ARHGEF3: variants seen among roughly 807,000 people sequenced by gnomAD.
ARHGEF3 encodes 59.8 kDA protein.
A neutral mutation model predicts 63.2 loss-of-function variants in ARHGEF3; 28 were observed. That is an observed-to-expected ratio of 0.44 (90% CI 0.33 to 0.61). The LOEUF is 0.61. Among genes scored for constraint, ARHGEF3 ranks in the 20% least tolerant of loss-of-function variants. ARHGEF3 has a pLI of 0.03. For synonymous variants in ARHGEF3, 266 were observed against 254.2 expected (o/e 1.05, Z -0.44); for missense variants, 533 against 659.3 (o/e 0.81, Z 2.10).
chr3:56,732,513 G>A, intron 8 of ARHGEF3, 89 bp from the exon 9 acceptor site: 1 of 1,444,778 alleles, frequency 6.9e-7, no homozygotes, highest in Non-Finnish European at 9.6e-7. Context: ...AGGTCCCCAG[G>A]TACCAGGTTC....
At chr3:56,975,483 T>C (rs978162548) in intron 2 of ARHGEF3, among the ~76,000 whole-genome samples, 2 of 152,318 alleles carry the variant, frequency 1.3e-5, no homozygotes, top group East Asian at 1.9e-4. Context: ...CACTGTGTCA[T>C]AGCCAGACAC....
chr3:56,975,881 T>C lies in ARHGEF3; in HGVS notation c.63-16992A>G, dbSNP rs113356736. 2.3e-3 allele frequency: 717 copies of C among 313,724 alleles called. 10 individuals carry two copies. Among genetic ancestry groups the C allele is most frequent in the African/African-American group, 0.015 (667 of 45,134 alleles). The allele number at this position is 313,724 out of a possible 1,614,324, so 19.4% of individuals were successfully genotyped here. A position where few individuals can be genotyped will look rare whatever the true frequency, so the allele number is the denominator to read the frequency against. The stretch of plus-strand genomic sequence containing the variant: ...GATTAGTCTTATTCACTGGTTTTTC[T>C]ACATCTGCAAATAAAAATATCCATG... On this transcript the variant is annotated intron_variant, in intron 2 of 12. Coordinates refer to the ARHGEF3 transcript ENST00000338458.
Position 56,729,338 on chromosome 3 carries a change from C to A in ARHGEF3, c.1513G>T (p.Asp505Tyr). The A allele has an allele frequency of 6.2e-7, 1 of 1,614,086 alleles. No homozygotes were observed. Among genetic ancestry groups the A allele is most frequent in the Non-Finnish European group, 8.5e-7 (1 of 1,180,026 alleles). Reference sequence around the variant, plus strand: ...TCTGTCTGTTCCATGCGCTCACAGTCGAGGCTGACCTCACTCGTGTCCATA... The same window carrying A: ...TCTGTCTGTTCCATGCGCTCACAGTAGAGGCTGACCTCACTCGTGTCCATA... Reference protein sequence around the residue: ...CSMDTSEVSLDCERMEQTDSS... With the variant: ...CSMDTSEVSLYCERMEQTDSS... Residue 505 changes from aspartate to tyrosine, a missense_variant, in exon 10 of 10, where the codon GAC (aspartate) becomes TAC (tyrosine). Physicochemically the swap from Asp to Tyr is radical, Grantham distance 160. Around this residue, in one of 4 missense-constraint regions of ARHGEF3, gnomAD observed 115 missense variants for 103.4 expected, o/e 1.11. Transcript: ENST00000296315.
intron 8 of ARHGEF3, among the ~76,000 whole-genome samples, chr3:56,733,746 G>A (rs1310127853): frequency 6.6e-6 from 1 of 151,554 alleles, no homozygotes; most frequent in African/African-American, 2.4e-5. Context: ...CACTTTGGGA[G>A]GCCGAGGTGG....
chr3:56,942,941 G>A (rs1437671830), intron 3 of ARHGEF3, among the ~76,000 whole-genome samples: 6 of 152,224 alleles, frequency 3.9e-5, no homozygotes, highest in Non-Finnish European at 7.3e-5. Context: ...AAGGTGAGAG[G>A]AAGATGCAGA....
At chr3:57,000,607 A>G (rs113787232) in intron 2 of ARHGEF3, among the ~76,000 whole-genome samples, 3 of 152,094 alleles carry the variant, frequency 2.0e-5, no homozygotes, top group African/African-American at 7.2e-5. Context: ...AATTCGGCTC[A>G]CTGCAACCTC....
intron 2 of ARHGEF3, among the ~76,000 whole-genome samples, chr3:56,990,218 A>G (rs1003751172): frequency 6.6e-6 from 1 of 152,210 alleles, no homozygotes; most frequent in African/African-American, 2.4e-5. Flanking sequence ...GTAGAAGAGG[A>G]AAGTCTTCTG....
chr3:56,799,357 C>G (rs918944056), intron 1 of ARHGEF3, among the ~76,000 whole-genome samples: 2 of 152,206 alleles, frequency 1.3e-5, no homozygotes, highest in African/African-American at 2.4e-5. Context: ...CCATTACACA[C>G]GGCCATTAAA....
At chr3:56,938,443 G>T (rs1264913412) in intron 3 of ARHGEF3, among the ~76,000 whole-genome samples, 3 of 152,146 alleles carry the variant, frequency 2.0e-5, no homozygotes, top group Non-Finnish European at 4.4e-5. Context: ...TTTAAGTGAT[G>T]TTACTTATAA....
intron 2 of ARHGEF3, among the ~76,000 whole-genome samples, chr3:56,984,517 T>C (rs1701459367): frequency 6.6e-6 from 1 of 152,072 alleles, no homozygotes; most frequent in African/African-American, 2.4e-5. Flanking sequence ...AATGATTATA[T>C]TAAAATACTG....
intron 1 of ARHGEF3, among the ~76,000 whole-genome samples, chr3:56,798,257 A>G (rs2037466958): frequency 6.6e-6 from 1 of 152,244 alleles, no homozygotes; most frequent in Non-Finnish European, 1.5e-5. Flanking sequence ...CTATGGCACT[A>G]CAAATTTTTA....
At chr3:56,733,645 G>C (rs34924415) in intron 8 of ARHGEF3, among the ~76,000 whole-genome samples, 28,528 of 151,928 alleles carry the variant, frequency 0.19, 2,853 homozygotes, top group South Asian at 0.37. Flanking sequence ...AGTCAGAACA[G>C]TGCTCATTCC....
chr3:57,018,783 CATT>C (rs1256409292), intron 2 of ARHGEF3, among the ~76,000 whole-genome samples: 2 of 152,138 alleles, frequency 1.3e-5, no homozygotes, highest in African/African-American at 2.4e-5. Flanking sequence ...TGTATCATCT[CATT>C]AATCCCCACA....
intron 4 of ARHGEF3, among the ~76,000 whole-genome samples, chr3:56,854,193 T>TA (rs549808550): frequency 1.3e-5 from 2 of 151,590 alleles, no homozygotes; most frequent in African/African-American, 4.8e-5. Context: ...AGACTCCATC[T>TA]AAAAAAACAA....
intron 2 of ARHGEF3, among the ~76,000 whole-genome samples, chr3:56,992,975 A>C (rs1300036470): frequency 6.6e-6 from 1 of 152,154 alleles, no homozygotes; most frequent in Non-Finnish European, 1.5e-5. Flanking sequence ...CTGGGATTAC[A>C]GCTGCATGCC....
At chr3:57,044,070 C>T (rs191853357) in intron 1 of ARHGEF3, among the ~76,000 whole-genome samples, 288 of 152,298 alleles carry the variant, frequency 1.9e-3, no homozygotes, top group African/African-American at 6.5e-3. Flanking sequence ...TCTGGTGCCT[C>T]CTTAGTGCCC....
intron 1 of ARHGEF3, among the ~76,000 whole-genome samples, chr3:57,036,502 AG>A (rs1283268526): frequency 6.6e-6 from 1 of 152,136 alleles, no homozygotes. Context: ...CCCCAGGATG[AG>A]TCTGAGCCAT....
intron 2 of ARHGEF3, among the ~76,000 whole-genome samples, chr3:57,030,270 C>T (rs1390120792): frequency 2.0e-5 from 3 of 152,206 alleles, no homozygotes; most frequent in African/African-American, 7.2e-5. Context: ...CAAGGCCCTT[C>T]CCTCCAGGAG....
At chr3:56,995,654 A>AGAGAGAGAGAGAGAGG (rs1701950898) in intron 2 of ARHGEF3, among the ~76,000 whole-genome samples, 1 of 124,724 alleles carries the variant, frequency 8.0e-6, no homozygotes, top group Admixed American at 8.3e-5. Context: ...AGAGAGAGAG[A>AGAGAGAGAGAGAGAGG]GAGAGAGAGA....
Sources: gnomAD v4.1 joint callset for allele counts (sites outside exome capture counted in the v4.1 genomes callset) on GRCh38, gnomAD v4.1.1 for gene constraint, gnomAD v4.1.1 regional missense constraint, MANE v1.5 for transcripts, NCBI Gene and HGNC (gene_info 2026-07-23, HGNC 2026-07-21) for gene names.